SLC52A1: variants seen among roughly 807,000 people sequenced by gnomAD.
The protein encoded by SLC52A1 is solute carrier family 52, riboflavin transporter, member 1.
A neutral mutation model predicts 23.2 loss-of-function variants in SLC52A1; 20 were observed. The observed-to-expected ratio is 0.86, with a 90% CI of 0.61 to 1.25. SLC52A1 has a LOEUF of 1.25. Among genes scored for constraint, SLC52A1 ranks in the 50% most tolerant of loss-of-function variants. SLC52A1 has a pLI of 0.00. For synonymous variants in SLC52A1, 260 were observed against 256.6 expected, an observed-to-expected ratio of 1.01 and a Z score of -0.13; for missense variants, 528 against 557.0, an observed-to-expected ratio of 0.95 and a Z score of 0.52.
At position 5,033,662 on chromosome 17, in the gene SLC52A1, G is replaced by C; in HGVS notation, c.827C>G (p.Ser276Ter). 6.2e-7 allele frequency: 1 copy of C among 1,614,088 alleles called. No individual in the cohort carries two copies. Among genetic ancestry groups the C allele is most frequent in the Non-Finnish European group, 8.5e-7 (1 of 1,180,032 alleles). The change falls in exon 3 of 5, where the codon TCA becomes TGA. Residue 276 changes from serine to a stop codon, truncating the protein, a stop_gained. Transcript: ENST00000254853. LOFTEE classifies it high-confidence loss of function. ...GCCCAGCAGGAAGGCACCATGGGCT[G>C]AGAACAGCTGATGGGCCTCAGGGTC... ...GPDPEAHQLF[S>*]AHGAFLLGLM...
chr17:5,035,580 C>A (rs1486961184), upstream of SLC52A1: 1 of 152,242 alleles, frequency 6.6e-6, no homozygotes, highest in African/African-American at 2.4e-5. Flanking sequence ...ACCTCCGGAT[C>A]CGGCAGTCCC....
chr17:5,037,655 T>C (rs995572555), upstream of SLC52A1, among the ~76,000 whole-genome samples: 1 of 152,160 alleles, frequency 6.6e-6, no homozygotes, highest in South Asian at 2.1e-4. Context: ...ACAGAGACTG[T>C]GTGGCCCTCA....
upstream of SLC52A1, among the ~76,000 whole-genome samples, chr17:5,037,110 A>G (rs1975476382): frequency 6.6e-6 from 1 of 152,134 alleles, no homozygotes; most frequent in Non-Finnish European, 1.5e-5. Flanking sequence ...GATTGTGCCA[A>G]TGTACTCCAG....
In SLC52A1 at chr17:5,033,299, G is replaced by C. The variant is rs1300007400; in HGVS notation, c.1096C>G (p.Pro366Ala). 1 of 1,614,114 alleles carries C rather than the reference G, an allele frequency of 6.2e-7. No individual in the cohort carries two copies. Among genetic ancestry groups the C allele is most frequent in the South Asian group, 1.1e-5 (1 of 91,090 alleles). The change falls in exon 4 of 5, where the codon CCA becomes GCA. Residue 366 changes from proline (P) to alanine (A), a missense_variant. Physicochemically the swap from Pro to Ala is conservative, Grantham distance 27. Transcript: ENST00000254853. ...LMALAILSPC[P>A]PLVGTTAGVV... ...CCTGCAGTGGTGCCCACCAGGGGTG[G>C]GCAGGGGCTCAGGATTGCCAGTGCC...
chr17:5,032,956 C>A lies in SLC52A1; in HGVS notation c.*1G>T. 6 of 1,610,250 alleles carry A rather than the reference C, an allele frequency of 3.7e-6. No individual in the cohort carries two copies. Among genetic ancestry groups the A allele is most frequent in the Non-Finnish European group, 5.1e-6 (6 of 1,177,190 alleles). ...GGAGTTGGGTCCCCACCTGCCCAGGCTCAGGGGCCACAGGGGTCTACACAG... is the reference window on the plus strand; with the variant it reads ...GGAGTTGGGTCCCCACCTGCCCAGGATCAGGGGCCACAGGGGTCTACACAG... On this transcript the variant is annotated 3_prime_UTR_variant, in exon 5 of 5. Transcript: ENST00000254853.
At position 5,033,256 on chromosome 17, in the gene SLC52A1, C is replaced by T. The variant is rs748459269; in HGVS notation, c.1134+5G>A. On this transcript the variant is annotated splice_donor_5th_base_variant and intron_variant, in intron 4 of 4. Coordinates refer to ENST00000254853, the MANE Select transcript of SLC52A1 (RefSeq NM_017986.4). Reference sequence around the variant, plus strand: ...CCTCCCCACTTCATGTCTCCACTTGCTCACCACAAGGACCACCCCTGCAGT... The same window carrying T: ...CCTCCCCACTTCATGTCTCCACTTGTTCACCACAAGGACCACCCCTGCAGT... 2 of 1,613,694 alleles carry T rather than the reference C, an allele frequency of 1.2e-6. No individual in the cohort carries two copies. Among genetic ancestry groups the T allele is most frequent in the Non-Finnish European group, 8.5e-7 (1 of 1,179,720 alleles).
rs1379635053 is a variant in SLC52A1, at chr17:5,033,583, G to T, written c.906C>A (p.Ser302Arg). 1 of 1,613,978 alleles carries T rather than the reference G, an allele frequency of 6.2e-7. No individual in the cohort carries two copies. The highest frequency in any genetic ancestry group is 8.5e-7 in the Non-Finnish European group (1 of 1,180,016). The change falls in exon 3 of 5, where the codon AGC becomes AGA. Residue 302 changes from serine (S) to arginine (R), a missense_variant. Coordinates refer to ENST00000254853, the MANE Select transcript of SLC52A1 (RefSeq NM_017986.4). ...VTNGVLPSVQSFSCLPYGRLA... is the reference protein window; with the variant it reads ...VTNGVLPSVQRFSCLPYGRLA... ...GGCGCCCATAGGGCAAACAGGAAAA[G>T]CTCTGCACAGAAGGCAGCACGCCAT...
Position 5,033,513 on chromosome 17 carries a change from G to T in SLC52A1, c.976C>A (p.Leu326Ile). Residue 326 changes from leucine to isoleucine, a missense_variant, in exon 3 of 5, where the codon CTT becomes ATT. Transcript: ENST00000254853. ...AVVLGSAANP[L>I]ACFLAMGVLC... ...ACGCCCATGGCCAGGAAGCAGGCAAGGGGGTTGGCGGCACTGCCCAGCACC... is the reference window on the plus strand; with the variant it reads ...ACGCCCATGGCCAGGAAGCAGGCAATGGGGTTGGCGGCACTGCCCAGCACC... The T allele has an allele frequency of 6.2e-7, 1 of 1,612,832 alleles. No homozygotes were observed. Among genetic ancestry groups the T allele is most frequent in the South Asian group, 1.1e-5 (1 of 90,912 alleles).
At chr17:5,040,152 G>A (rs954798129), upstream of SLC52A1, among the ~76,000 whole-genome samples, 6 of 151,866 alleles carry the variant, frequency 4.0e-5, no homozygotes, top group Non-Finnish European at 5.9e-5. Flanking sequence ...GAGCACTGGC[G>A]GGTCCCTAGA....
chr17:5,037,201 G>A (rs72822614), upstream of SLC52A1, among the ~76,000 whole-genome samples: 13,014 of 152,096 alleles, frequency 0.086, 720 homozygotes, highest in Middle Eastern at 0.14. Context: ...TTCCTAACCC[G>A]TGAAAACTAA....
intron 1 of SLC52A1, among the ~76,000 whole-genome samples, chr17:5,041,422 A>G (rs1975543853): frequency 6.6e-6 from 1 of 152,004 alleles, no homozygotes; most frequent in South Asian, 2.1e-4. Flanking sequence ...AGCTGGGACT[A>G]CAGGTGCACA....
chr17:5,033,414 G>T (rs1478632904), intron 3 of SLC52A1, 30 bp from the exon 4 acceptor site: 3 of 1,613,348 alleles, frequency 1.9e-6, no homozygotes, highest in Non-Finnish European at 2.5e-6. Context: ...ACTCAGGGCT[G>T]GCTGTTCTGG....
upstream of SLC52A1, among the ~76,000 whole-genome samples, chr17:5,039,278 G>A (rs574496008): frequency 3.8e-4 from 57 of 151,484 alleles, no homozygotes; most frequent in South Asian, 9.9e-3. Context: ...AGCTGAGATC[G>A]TGCCACTACA....
In SLC52A1 at chr17:5,032,613, AATT is replaced by A. The variant is rs1975338220; in HGVS notation, c.*341_*343del. The A allele has an allele frequency of 4.8e-6, 1 of 207,806 alleles. No homozygotes were observed. The highest frequency in any genetic ancestry group is 2.3e-5 in the African/African-American group (1 of 43,066). 12.9% of individuals were successfully genotyped at this position (207,806 alleles called of 1,614,324 possible). A position where few individuals can be genotyped will look rare whatever the true frequency, so the allele number is the denominator to read the frequency against. On this transcript the variant is annotated 3_prime_UTR_variant, in exon 5 of 5. Transcript: ENST00000254853. ...CACACTAGATAATATATGTATGAAA[AATT>A]ATTTAATCCAGTTTCCTGATTTCAT...
Position 5,034,138 on chromosome 17 carries a change from C to G in SLC52A1, c.351G>C (p.Leu117=). 6.2e-7 allele frequency: 1 copy of G among 1,614,202 alleles called. No homozygotes were observed. The highest frequency in any genetic ancestry group is 8.5e-7 in the Non-Finnish European group (1 of 1,180,026). ...GQLHSVAFLT[L]ALVLAMACCT... is the part of the protein sequence containing the mutation. ...AACAGGCCATTGCCAACACCAAGGC[C>G]AGAGTTAGGAAGGCCACAGAGTGGA... Residue 117 remains leucine, a synonymous_variant, in exon 3 of 5, where the codon CTG becomes CTC. Transcript: ENST00000254853.
intron 1 of SLC52A1, among the ~76,000 whole-genome samples, chr17:5,041,028 CT>C (rs1342478056): frequency 1.3e-5 from 2 of 151,978 alleles, no homozygotes; most frequent in Non-Finnish European, 2.9e-5. Flanking sequence ...ATCTCCTGAC[CT>C]CGTGATCCAC....
chr17:5,039,401 G>A (rs770054474), upstream of SLC52A1, among the ~76,000 whole-genome samples: 10 of 151,950 alleles, frequency 6.6e-5, no homozygotes, highest in Non-Finnish European at 1.0e-4. Context: ...TGTTGGTCAC[G>A]GTCTAACTGC....
chr17:5,033,641 A>G lies in SLC52A1; in HGVS notation c.848T>C (p.Leu283Pro), dbSNP rs759259287. 1 of 1,614,074 alleles carries G rather than the reference A, an allele frequency of 6.2e-7. No individual in the cohort carries two copies. Among genetic ancestry groups the G allele is most frequent in the East Asian group, 2.2e-5 (1 of 44,888 alleles). ...GGCACTGGTGAAGGCCATCAGGCCCAGCAGGAAGGCACCATGGGCTGAGAA... is the reference window on the plus strand; with the variant it reads ...GGCACTGGTGAAGGCCATCAGGCCCGGCAGGAAGGCACCATGGGCTGAGAA... The part of the protein sequence containing the change: ...QLFSAHGAFL[L>P]GLMAFTSAVT... Residue 283 changes from leucine (L) to proline (P), a missense_variant, in exon 3 of 5, where the codon CTG (leucine) becomes CCG (proline). Transcript: ENST00000254853.
chr17:5,037,392 G>A (rs997639315), upstream of SLC52A1, among the ~76,000 whole-genome samples: 2 of 151,778 alleles, frequency 1.3e-5, no homozygotes, highest in African/African-American at 2.4e-5. Flanking sequence ...GGTGGCGGGC[G>A]CCTGTAATCC....
Sources: gnomAD v4.1 joint callset for allele counts (sites outside exome capture counted in the v4.1 genomes callset) on GRCh38, gnomAD v4.1.1 for gene constraint, MANE v1.5 for transcripts, NCBI Gene and HGNC (gene_info 2026-07-23, HGNC 2026-07-21) for gene names.